The following MAGI3 variants were observed in gnomAD, a reference collection of about 807,000 sequenced individuals.
The protein encoded by MAGI3 is membrane associated guanylate kinase, WW and PDZ domain containing 3, also known as membrane-associated guanylate kinase, WW and PDZ domain-containing protein 3.
A neutral mutation model predicts 121.8 loss-of-function variants in MAGI3; 43 were observed. That is an observed-to-expected ratio of 0.35 (90% CI 0.28 to 0.46). MAGI3 has a LOEUF of 0.46. Ranked by LOEUF, MAGI3 falls within the 20% of genes least tolerant of loss-of-function variation. The pLI is 1.00. For missense variants in MAGI3, 1,547 were observed against 1,797.3 expected, an observed-to-expected ratio of 0.86 and a Z score of 2.52; for synonymous variants, 553 against 639.3, an observed-to-expected ratio of 0.86 and a Z score of 2.04.
At chr1:113,425,486 G>T (rs1427717332) in intron 1 of MAGI3, among the ~76,000 whole-genome samples, 2 of 151,514 alleles carry the variant, frequency 1.3e-5, no homozygotes, top group African/African-American at 2.4e-5. Flanking sequence ...GGATTTCACC[G>T]TGTTAGCCAG....
intron 9 of MAGI3, among the ~76,000 whole-genome samples, chr1:113,639,972 G>A (rs12753351): frequency 0.22 from 33,304 of 152,148 alleles, 4,509 homozygotes; most frequent in South Asian, 0.39. Context: ...GAGCCGCTGC[G>A]CCTGGCCTGA....
chr1:113,416,210 T>TGTAATTAATGACACA (rs1557744146), intron 1 of MAGI3, among the ~76,000 whole-genome samples: 1 of 80,952 alleles, frequency 1.2e-5, no homozygotes. Flanking sequence ...ATGACACATA[T>TGTAATTAATGACACA]TATTATGTGT....
At chr1:113,603,228 G>A (rs1360011481) in intron 6 of MAGI3, among the ~76,000 whole-genome samples, 1 of 152,056 alleles carries the variant, frequency 6.6e-6, no homozygotes, top group African/African-American at 2.4e-5. Flanking sequence ...TGCACACAAA[G>A]TAGAAAATCT....
At chr1:113,507,996 C>A (rs1446963428) in intron 1 of MAGI3, among the ~76,000 whole-genome samples, 1 of 152,112 alleles carries the variant, frequency 6.6e-6, no homozygotes, top group Non-Finnish European at 1.5e-5. Flanking sequence ...TGAGCTATTA[C>A]AACTGGCTAA....
At chr1:113,676,509 C>G (rs1647874171) in intron 19 of MAGI3, among the ~76,000 whole-genome samples, 1 of 152,170 alleles carries the variant, frequency 6.6e-6, no homozygotes, top group Non-Finnish European at 1.5e-5. Flanking sequence ...AGCAAATGAG[C>G]AATTAACTGT....
At chr1:113,654,496 TA>T in intron 15 of MAGI3, among the ~76,000 whole-genome samples, 1 of 152,304 alleles carries the variant, frequency 6.6e-6, no homozygotes, top group South Asian at 2.1e-4. Flanking sequence ...AGTCCAGCTA[TA>T]AATTACCCTT....
chr1:113,562,369 C>G (rs1241642263), intron 2 of MAGI3, among the ~76,000 whole-genome samples: 3 of 152,078 alleles, frequency 2.0e-5, no homozygotes, highest in Non-Finnish European at 2.9e-5. Flanking sequence ...TGCCACTGCA[C>G]TCTAGCCTGG....
intron 6 of MAGI3, among the ~76,000 whole-genome samples, chr1:113,610,046 G>C (rs1467628936): frequency 1.3e-5 from 2 of 151,972 alleles, no homozygotes; most frequent in East Asian, 3.9e-4. Context: ...TACCTTTTCA[G>C]GGTTACCAGT....
chr1:113,401,663 G>A (rs1651412870), intron 1 of MAGI3, among the ~76,000 whole-genome samples: 1 of 152,128 alleles, frequency 6.6e-6, no homozygotes, highest in Non-Finnish European at 1.5e-5. Context: ...CACTCACCAG[G>A]AAGGTGTTAG....
At chr1:113,485,509 G>T (rs923893026) in intron 1 of MAGI3, among the ~76,000 whole-genome samples, 2 of 151,868 alleles carry the variant, frequency 1.3e-5, no homozygotes. Flanking sequence ...TGATGGAATT[G>T]TTTGCTTGGT....
At chr1:113,431,113 G>A (rs1168022847) in intron 1 of MAGI3, among the ~76,000 whole-genome samples, 1 of 152,068 alleles carries the variant, frequency 6.6e-6, no homozygotes, top group Non-Finnish European at 1.5e-5. Context: ...AGTAAAAAGG[G>A]GCTGGGGCCT....
At chr1:113,635,592 G>A (rs1265760948) in intron 9 of MAGI3, among the ~76,000 whole-genome samples, 1 of 151,956 alleles carries the variant, frequency 6.6e-6, no homozygotes, top group Admixed American at 6.5e-5. Context: ...GATCATGGTG[G>A]ATAAGCTTTT....
At chr1:113,525,992 C>G (rs1658430578) in intron 1 of MAGI3, among the ~76,000 whole-genome samples, 1 of 151,976 alleles carries the variant, frequency 6.6e-6, no homozygotes, top group Non-Finnish European at 1.5e-5. Context: ...CAGAGTGAGA[C>G]TCCATCTCAA....
intron 1 of MAGI3, among the ~76,000 whole-genome samples, chr1:113,409,073 T>C (rs557512543): frequency 1.3e-5 from 2 of 152,196 alleles, no homozygotes; most frequent in African/African-American, 4.8e-5. Context: ...ACACTTTCTA[T>C]ACTGGAAGGC....
At chr1:113,598,165 T>C (rs1209219449) in intron 6 of MAGI3, among the ~76,000 whole-genome samples, 1 of 151,994 alleles carries the variant, frequency 6.6e-6, no homozygotes, top group African/African-American at 2.4e-5. Flanking sequence ...TTAGCCAAGA[T>C]TGCACCACTG....
At chr1:113,453,602 A>G (rs190919975) in intron 1 of MAGI3, among the ~76,000 whole-genome samples, 23 of 152,338 alleles carry the variant, frequency 1.5e-4, no homozygotes, top group African/African-American at 5.3e-4. Flanking sequence ...CTATTGGAGT[A>G]GTCTGTTTGA....
intron 1 of MAGI3, among the ~76,000 whole-genome samples, chr1:113,489,768 T>G (rs901351734): frequency 2.6e-5 from 4 of 151,752 alleles, no homozygotes; most frequent in African/African-American, 7.3e-5. Context: ...AATAGCAGAA[T>G]AGACCAAGCA....
intron 1 of MAGI3, among the ~76,000 whole-genome samples, chr1:113,503,758 T>C (rs1333902067): frequency 6.6e-6 from 1 of 151,264 alleles, no homozygotes; most frequent in Non-Finnish European, 1.5e-5. Context: ...ATATATTGGC[T>C]TAGCTTGGTT....
At chr1:113,657,429 A>G (rs1281125204) in intron 15 of MAGI3, among the ~76,000 whole-genome samples, 1 of 152,202 alleles carries the variant, frequency 6.6e-6, no homozygotes, top group African/African-American at 2.4e-5. Flanking sequence ...GAAGTTGTAT[A>G]CCACCATGCA....
Sources: gnomAD v4.1 joint callset for allele counts (sites outside exome capture counted in the v4.1 genomes callset) on GRCh38, gnomAD v4.1.1 for gene constraint, MANE v1.5 for transcripts, NCBI Gene and HGNC (gene_info 2026-07-23, HGNC 2026-07-21) for gene names.